The following PTPRD variants were observed in gnomAD, a reference collection of about 807,000 sequenced individuals.
The protein encoded by PTPRD is receptor-type tyrosine-protein phosphatase delta.
In PTPRD, 34 loss-of-function variants were observed where a neutral mutation model predicts 214.5. That is an observed-to-expected ratio of 0.16 (90% CI 0.12 to 0.21). The LOEUF (loss-of-function observed/expected upper bound fraction) is 0.21. Ranked by LOEUF, PTPRD falls within the 10% of genes least tolerant of loss-of-function variation. The probability of loss-of-function intolerance (pLI) is 1.00; values close to 1 mark genes in which losing one functional copy is unlikely to be tolerated. For synonymous variants in PTPRD, 1,128 were observed against 845.7 expected (o/e 1.33, Z -5.79); for missense variants, 2,545 against 2,398.7 (o/e 1.06, Z -1.27).
chr9:9,819,955 T>C (rs987353738), intron 5 of PTPRD, among the ~76,000 whole-genome samples: 1 of 152,168 alleles, frequency 6.6e-6, no homozygotes, highest in African/African-American at 2.4e-5. Context: ...GCAATGAAAA[T>C]GCGAGTACGT....
At chr9:8,323,054 C>T (rs1175658135) in intron 44 of PTPRD, among the ~76,000 whole-genome samples, 1 of 152,124 alleles carries the variant, frequency 6.6e-6, no homozygotes. Flanking sequence ...TCAAGACAGG[C>T]TGAAAGCTCG....
rs146342503 is a variant in PTPRD, at chr9:10,277,258, A to C, written c.-545+63705T>G. Among the ~76,000 whole-genome samples, 1,150 of 152,046 alleles carry C rather than the reference A, an allele frequency of 7.6e-3. 4 individuals are homozygous for C. Among genetic ancestry groups the C allele is most frequent in the Middle Eastern group, 0.041 (12 of 294 alleles). ...TAAAACATAAACATAAAAAAAAAAC[A>C]ACAAACCCTGAGTTGAGTTATAAAC... is the stretch of plus-strand genomic sequence containing the variant. On this transcript the variant is annotated intron_variant, in intron 3 of 45. Transcript: ENST00000381196.
At chr9:8,375,122 A>G (rs1426375377) in intron 39 of PTPRD, among the ~76,000 whole-genome samples, 1 of 152,004 alleles carries the variant, frequency 6.6e-6, no homozygotes, top group Non-Finnish European at 1.5e-5. Context: ...AAGAACTATC[A>G]TGAAATTATA....
chr9:9,044,797 T>C (rs1016334103), intron 10 of PTPRD, among the ~76,000 whole-genome samples: 5 of 152,190 alleles, frequency 3.3e-5, no homozygotes, highest in Admixed American at 6.5e-5. Flanking sequence ...TTCTGGAAAT[T>C]AATTACCATT....
intron 44 of PTPRD, among the ~76,000 whole-genome samples, chr9:8,324,526 G>GTCTT (rs1474182497): frequency 6.6e-6 from 1 of 152,100 alleles, no homozygotes; most frequent in African/African-American, 2.4e-5. Context: ...TTGCTTACAA[G>GTCTT]TCTTTGCTAT....
chr9:10,154,300 C>T (rs1304702873), intron 3 of PTPRD, among the ~76,000 whole-genome samples: 1 of 151,900 alleles, frequency 6.6e-6, no homozygotes, highest in African/African-American at 2.4e-5. Context: ...TGTTCTTTGC[C>T]CACTTTTTAA....
chr9:10,094,166 GTTTTAATA>G (rs1383267014), intron 3 of PTPRD, among the ~76,000 whole-genome samples: 6 of 151,272 alleles, frequency 4.0e-5, no homozygotes, highest in Non-Finnish European at 8.9e-5. Context: ...CGCTGTCTTG[GTTTTAATA>G]TTTTACTCTG....
Position 9,235,431 on chromosome 9 carries a change from C to A in PTPRD, c.-202-52068G>T, listed in dbSNP as rs2099965982. Among the ~76,000 whole-genome samples the A allele has an allele frequency of 2.0e-5, 3 of 152,146 alleles. No homozygotes were observed. In the South Asian group the frequency reaches 6.2e-4, roughly 32 times the overall value. ...TCCAATTGCACTCCTACATGGCTGT[C>A]CACTCTTCATGGAATGTAAGCATAA... On this transcript the variant is annotated intron_variant, in intron 9 of 45. Coordinates refer to ENST00000381196, the MANE Select transcript of PTPRD (RefSeq NM_002839.4).
At chr9:8,837,975 T>C (rs2097472370) in intron 11 of PTPRD, among the ~76,000 whole-genome samples, 1 of 152,162 alleles carries the variant, frequency 6.6e-6, no homozygotes, top group Admixed American at 6.5e-5. Context: ...CCATGTTTTG[T>C]GAAAATATGA....
chr9:9,500,810 G>C (rs1206375111), intron 8 of PTPRD, among the ~76,000 whole-genome samples: 2 of 151,976 alleles, frequency 1.3e-5, no homozygotes, highest in Non-Finnish European at 2.9e-5. Flanking sequence ...AAGTTGTTTT[G>C]GGAGGGTGTT....
chr9:9,425,839 G>A (rs147915797), intron 8 of PTPRD, among the ~76,000 whole-genome samples: 1 of 152,086 alleles, frequency 6.6e-6, no homozygotes. Context: ...GATAAAAATA[G>A]TGTTGAGTTG....
chr9:8,643,648 A>T (rs1036639178), intron 12 of PTPRD, among the ~76,000 whole-genome samples: 1 of 152,194 alleles, frequency 6.6e-6, no homozygotes, highest in African/African-American at 2.4e-5. Flanking sequence ...CTGATCTCAG[A>T]GCAGAGTTGA....
intron 5 of PTPRD, among the ~76,000 whole-genome samples, chr9:9,916,664 G>GT (rs767829626): frequency 8.6e-5 from 13 of 151,862 alleles, no homozygotes; most frequent in Non-Finnish European, 1.8e-4. Flanking sequence ...GCTAACAGTA[G>GT]TTATAGTTAG....
intron 5 of PTPRD, among the ~76,000 whole-genome samples, chr9:9,851,195 T>C (rs1418414114): frequency 6.6e-6 from 1 of 152,212 alleles, no homozygotes; most frequent in Non-Finnish European, 1.5e-5. Context: ...ATAGAAATAA[T>C]ATAAGCAAAA....
intron 5 of PTPRD, among the ~76,000 whole-genome samples, chr9:9,862,991 G>A (rs1369050545): frequency 6.6e-6 from 1 of 152,090 alleles, no homozygotes; most frequent in Non-Finnish European, 1.5e-5. Context: ...TAATATAGGA[G>A]ACTTAAGAAC....
rs558738682 is a variant in PTPRD at position 9,814,821 on chromosome 9, A to G, written c.-367-47970T>C. On this transcript the variant is annotated intron_variant, in intron 5 of 45. Coordinates refer to ENST00000381196, the MANE Select transcript of PTPRD (RefSeq NM_002839.4). ...TTTTTTTTTTTTTTTTTTTTTCGAT[A>G]CAGAATTTCACTCTGTCACATGGGC... 5.1e-3 allele frequency among the ~76,000 whole-genome samples: 695 copies of G among 135,766 alleles called. 11 individuals carry two copies. Among genetic ancestry groups the G allele is most frequent in the Non-Finnish European group, 6.5e-3 (419 of 64,156 alleles). The allele number at this position is 135,766 out of a possible 152,430, so 89.1% of individuals were successfully genotyped here.
At chr9:10,143,668 A>G (rs564986233) in intron 3 of PTPRD, among the ~76,000 whole-genome samples, 14 of 152,268 alleles carry the variant, frequency 9.2e-5, no homozygotes, top group Admixed American at 2.6e-4. Flanking sequence ...GTGTCCATCA[A>G]CAGTGGGTTG....
chr9:9,688,982 G>A (rs1429197565), intron 7 of PTPRD, among the ~76,000 whole-genome samples: 5 of 151,646 alleles, frequency 3.3e-5, no homozygotes, highest in African/African-American at 9.7e-5. Context: ...CATATAAACA[G>A]ACTCCAGCAT....
At chr9:9,839,128 C>T (rs2057640924) in intron 5 of PTPRD, among the ~76,000 whole-genome samples, 1 of 152,082 alleles carries the variant, frequency 6.6e-6, no homozygotes, top group South Asian at 2.1e-4. Context: ...TGATCTATAT[C>T]TCTGTTTTGG....
Sources: gnomAD v4.1 joint callset for allele counts (sites outside exome capture counted in the v4.1 genomes callset) on GRCh38, gnomAD v4.1.1 for gene constraint, MANE v1.5 for transcripts, NCBI Gene and HGNC (gene_info 2026-07-23, HGNC 2026-07-21) for gene names.